Variants in NAALADL2 observed in about 807,000 individuals in gnomAD.
NAALADL2 encodes the protein N-acetylated alpha-linked acidic dipeptidase like 2.
NAALADL2 carries 76 observed loss-of-function variants against 87.2 expected under a neutral mutation model. The observed-to-expected ratio is 0.87, with a 90% CI of 0.72 to 1.05. NAALADL2 has a LOEUF of 1.05. NAALADL2 is among the 50% of genes least tolerant of loss of function. NAALADL2 has a pLI of 0.00. For missense variants in NAALADL2, 1,089 were observed against 945.8 expected (o/e 1.15, Z -1.99); for synonymous variants, 354 against 331.0 (o/e 1.07, Z -0.75).
intron 2 of NAALADL2, among the ~76,000 whole-genome samples, chr3:174,695,566 G>C (rs973998953): frequency 3.3e-5 from 5 of 151,988 alleles, no homozygotes; most frequent in African/African-American, 1.2e-4. Context: ...AAGTGTAACA[G>C]TGTCATACTG....
chr3:174,926,837 T>C (rs1204022925), intron 1 of NAALADL2, among the ~76,000 whole-genome samples: 4 of 152,014 alleles, frequency 2.6e-5, no homozygotes, highest in South Asian at 4.1e-4. Flanking sequence ...AATGACAGGA[T>C]CAAATTCACA....
chr3:175,249,723 T>C (rs555556419), intron 3 of NAALADL2, among the ~76,000 whole-genome samples: 1 of 152,132 alleles, frequency 6.6e-6, no homozygotes, highest in Non-Finnish European at 1.5e-5. Flanking sequence ...TAATATACAT[T>C]CTAGGGCCCC....
At chr3:174,938,765 T>G (rs943230709) in intron 1 of NAALADL2, among the ~76,000 whole-genome samples, 1 of 152,176 alleles carries the variant, frequency 6.6e-6, no homozygotes, top group Non-Finnish European at 1.5e-5. Flanking sequence ...ATTTCTCTAA[T>G]GATTAGTGAA....
intron 2 of NAALADL2, among the ~76,000 whole-genome samples, chr3:174,726,737 C>G (rs16863677): frequency 0.25 from 38,146 of 151,902 alleles, 4,946 homozygotes; most frequent in East Asian, 0.38. Flanking sequence ...CTTTTCTTGC[C>G]CCTCAGGATT....
chr3:175,294,760 C>T (rs1756104511), intron 4 of NAALADL2, among the ~76,000 whole-genome samples: 2 of 152,190 alleles, frequency 1.3e-5, no homozygotes, highest in South Asian at 2.1e-4. Context: ...GGAGCACAAA[C>T]AAGGACCGCT....
chr3:174,960,009 G>A (rs559795291), intron 1 of NAALADL2, among the ~76,000 whole-genome samples: 1 of 152,008 alleles, frequency 6.6e-6, no homozygotes, highest in African/African-American at 2.4e-5. Flanking sequence ...TAGACTTTAG[G>A]TCTGCAGATA....
At chr3:175,107,400 C>T (rs1182976896) in intron 2 of NAALADL2, among the ~76,000 whole-genome samples, 2 of 151,888 alleles carry the variant, frequency 1.3e-5, no homozygotes, top group African/African-American at 4.8e-5. Context: ...GGTCTTTAGC[C>T]TGCTAGCCAC....
chr3:175,118,841 C>G (rs1725689465), intron 2 of NAALADL2, among the ~76,000 whole-genome samples: 1 of 151,654 alleles, frequency 6.6e-6, no homozygotes, highest in South Asian at 2.1e-4. Context: ...TCTGGGGCTT[C>G]TTAGACTCAA....
At chr3:175,123,318 A>G (rs1003480784) in intron 2 of NAALADL2, among the ~76,000 whole-genome samples, 5 of 151,964 alleles carry the variant, frequency 3.3e-5, no homozygotes, top group African/African-American at 4.8e-5. Context: ...AGTTCAGGAC[A>G]TGTACGGATG....
chr3:175,110,952 A>ATACT (rs1205101005), intron 2 of NAALADL2, among the ~76,000 whole-genome samples: 8 of 151,816 alleles, frequency 5.3e-5, no homozygotes, highest in African/African-American at 1.9e-4. Flanking sequence ...GGTTCCTGGA[A>ATACT]TAAGTGCACC....
intron 1 of NAALADL2, among the ~76,000 whole-genome samples, chr3:174,860,704 A>G (rs1726385306): frequency 6.6e-6 from 1 of 152,110 alleles, no homozygotes. Flanking sequence ...AGCGATCAAA[A>G]TAAACTAAGG....
intron 1 of NAALADL2, among the ~76,000 whole-genome samples, chr3:174,881,298 A>G (rs986368363): frequency 6.6e-6 from 1 of 152,074 alleles, no homozygotes; most frequent in African/African-American, 2.4e-5. Flanking sequence ...CATTAATTCT[A>G]CAATAAGTTA....
chr3:175,096,736 G>GT, intron 1 of NAALADL2, 54 bp from the exon 2 acceptor site: 1 of 1,225,850 alleles, frequency 8.2e-7, no homozygotes, highest in Non-Finnish European at 1.1e-6. Flanking sequence ...CACTTTGTTA[G>GT]TTTTTTTAAT....
intron 1 of NAALADL2, among the ~76,000 whole-genome samples, chr3:174,884,933 G>A (rs566359375): frequency 2.0e-4 from 31 of 152,140 alleles, no homozygotes; most frequent in African/African-American, 7.5e-4. Context: ...TTTCTTGCCT[G>A]GAAACTGCCT....
intron 4 of NAALADL2, among the ~76,000 whole-genome samples, chr3:175,267,984 G>A (rs1285281364): frequency 6.6e-6 from 1 of 152,112 alleles, no homozygotes; most frequent in Non-Finnish European, 1.5e-5. Flanking sequence ...TATTGTTATT[G>A]TTTTGTAACC....
intron 2 of NAALADL2, among the ~76,000 whole-genome samples, chr3:174,558,112 C>T (rs182770191): frequency 2.6e-5 from 4 of 152,090 alleles, no homozygotes; most frequent in Admixed American, 2.0e-4. Flanking sequence ...ACAGTGAGCC[C>T]ACTCCTTCAA....
intron 1 of NAALADL2, among the ~76,000 whole-genome samples, chr3:174,877,216 C>T (rs777974477): frequency 9.9e-5 from 15 of 152,040 alleles, no homozygotes; most frequent in Admixed American, 2.6e-4. Context: ...GCTACTTAGA[C>T]GCTTACCTTT....
At chr3:175,426,391 C>T (rs1293480583) in intron 5 of NAALADL2, among the ~76,000 whole-genome samples, 1 of 152,008 alleles carries the variant, frequency 6.6e-6, no homozygotes, top group African/African-American at 2.4e-5. Context: ...ACAAAAATGA[C>T]TTACGTTGTA....
intron 1 of NAALADL2, among the ~76,000 whole-genome samples, chr3:174,956,868 C>T (rs1395455931): frequency 6.6e-6 from 1 of 152,008 alleles, no homozygotes; most frequent in African/African-American, 2.4e-5. Flanking sequence ...AGAAACAGAA[C>T]AGTATTTTGC....
Sources: gnomAD v4.1 joint callset for allele counts (sites outside exome capture counted in the v4.1 genomes callset) on GRCh38, gnomAD v4.1.1 for gene constraint, MANE v1.5 for transcripts, NCBI Gene and HGNC (gene_info 2026-07-23, HGNC 2026-07-21) for gene names.